The following CSGALNACT1 variants were observed in gnomAD, a reference collection of about 807,000 sequenced individuals.
CSGALNACT1 encodes the protein beta4GalNAcT-1.
CSGALNACT1 carries 52 observed loss-of-function variants against 51.0 expected under a neutral mutation model. That is an observed-to-expected ratio of 1.02 (90% CI 0.82 to 1.29). The LOEUF is 1.29. CSGALNACT1 is among the 50% of genes most tolerant of loss of function. The pLI is 0.00. For synonymous variants in CSGALNACT1, 341 were observed against 254.4 expected (o/e 1.34, Z -3.24); for missense variants, 935 against 679.2 (o/e 1.38, Z -4.19).
At chr8:19,595,718 A>G (rs1413951794) in intron 2 of CSGALNACT1, among the ~76,000 whole-genome samples, 1 of 152,114 alleles carries the variant, frequency 6.6e-6, no homozygotes, top group African/African-American at 2.4e-5. Context: ...AAATTTAAGT[A>G]ACAATTGAAC....
chr8:19,604,417 A>T (rs2051057185), upstream of CSGALNACT1, among the ~76,000 whole-genome samples: 1 of 152,224 alleles, frequency 6.6e-6, no homozygotes, highest in Non-Finnish European at 1.5e-5. Context: ...GGATATGTGC[A>T]TTAATATTTC....
intron 1 of CSGALNACT1, among the ~76,000 whole-genome samples, chr8:19,643,637 TA>T (rs35567016): frequency 0.27 from 38,792 of 141,734 alleles, 5,272 homozygotes; most frequent in African/African-American, 0.32. Context: ...GACACCATCT[TA>T]AAAAAAAAAA....
At chr8:19,733,860 T>C (rs1312575639) in intron 1 of CSGALNACT1, among the ~76,000 whole-genome samples, 1 of 152,112 alleles carries the variant, frequency 6.6e-6, no homozygotes, top group Non-Finnish European at 1.5e-5. Context: ...TCTGCTGCCA[T>C]CCCTGAATAC....
At chr8:19,718,807 T>G (rs1290395531) in intron 1 of CSGALNACT1, among the ~76,000 whole-genome samples, 1 of 152,154 alleles carries the variant, frequency 6.6e-6, no homozygotes, top group Non-Finnish European at 1.5e-5. Context: ...CCTTGCCTCT[T>G]CTGCAAGGAT....
chr8:19,408,949 A>AAACAC (rs1554501216), intron 8 of CSGALNACT1, among the ~76,000 whole-genome samples: 1 of 142,216 alleles, frequency 7.0e-6, no homozygotes, highest in African/African-American at 2.6e-5. Context: ...TAGATATGAA[A>AAACAC]ACACACACAC....
intron 1 of CSGALNACT1, among the ~76,000 whole-genome samples, chr8:19,752,432 T>C (rs1415026840): frequency 1.3e-5 from 2 of 152,184 alleles, no homozygotes; most frequent in Non-Finnish European, 2.9e-5. Context: ...TGTGTACGTA[T>C]GTTGACCTAT....
At chr8:19,508,269 C>T (rs574738459) in intron 3 of CSGALNACT1, among the ~76,000 whole-genome samples, 68 of 152,328 alleles carry the variant, frequency 4.5e-4, no homozygotes, top group Admixed American at 3.4e-3. Context: ...GTCTACACAA[C>T]AGTTCCTCTT....
rs75790757 is a variant in CSGALNACT1, at chr8:19,741,666, T to G, written c.-297+16184A>C. On this transcript the variant is annotated intron_variant, in intron 1 of 1. Coordinates refer to the CSGALNACT1 transcript ENST00000517494. ...AGGCTCCATGAACTATAGGGACATT[T>G]AATAAAGGCTTCTGAATTCTTTTCA... Among the ~76,000 whole-genome samples the G allele has an allele frequency of 2.1e-4, 32 of 152,288 alleles. No individual in the cohort carries two copies. The East Asian group carries it at 6.0e-3, about 28-fold the overall frequency.
chr8:19,506,232 G>C, intron 3 of CSGALNACT1, 102 bp from the exon 3 acceptor site: 2 of 405,814 alleles, frequency 4.9e-6, no homozygotes, highest in Non-Finnish European at 9.6e-6. Context: ...GAGAGTTATG[G>C]CAAATGCCTA....
upstream of CSGALNACT1, among the ~76,000 whole-genome samples, chr8:19,603,834 T>C (rs2050948244): frequency 6.6e-6 from 1 of 152,184 alleles, no homozygotes; most frequent in African/African-American, 2.4e-5. Context: ...GTTTTAACAA[T>C]GAAAACAAAT....
intron 1 of CSGALNACT1, among the ~76,000 whole-genome samples, chr8:19,638,368 A>G (rs551751934): frequency 6.6e-6 from 1 of 152,260 alleles, no homozygotes; most frequent in South Asian, 2.1e-4. Context: ...CCAAGTGGCG[A>G]TCACACCCAT....
intron 4 of CSGALNACT1, among the ~76,000 whole-genome samples, chr8:19,469,398 G>C (rs1563575284): frequency 6.6e-6 from 1 of 151,986 alleles, no homozygotes; most frequent in African/African-American, 2.4e-5. Flanking sequence ...CTCAAAAAAA[G>C]AAAGAGAAAG....
upstream of CSGALNACT1, among the ~76,000 whole-genome samples, chr8:19,687,312 C>T (rs2061031876): frequency 6.6e-6 from 1 of 152,192 alleles, no homozygotes; most frequent in Non-Finnish European, 1.5e-5. Flanking sequence ...ACTTCCTCTA[C>T]TAGGCAGAAA....
At chr8:19,536,345 T>TG (rs1554677964) in intron 3 of CSGALNACT1, among the ~76,000 whole-genome samples, 2 of 111,356 alleles carry the variant, frequency 1.8e-5, no homozygotes, top group East Asian at 4.3e-4. Context: ...TAAAAAATGT[T>TG]AAAAAAAACA....
intron 2 of CSGALNACT1, among the ~76,000 whole-genome samples, chr8:19,598,094 A>G (rs2049362914): frequency 6.6e-6 from 1 of 152,210 alleles, no homozygotes; most frequent in African/African-American, 2.4e-5. Flanking sequence ...ACAGCAGAAT[A>G]AGACATGGAG....
intron 4 of CSGALNACT1, among the ~76,000 whole-genome samples, chr8:19,480,579 T>C (rs1460785304): frequency 6.6e-6 from 1 of 152,188 alleles, no homozygotes; most frequent in Non-Finnish European, 1.5e-5. Context: ...AATGAACATA[T>C]GGGTGCCTGC....
chr8:19,687,631 C>T (rs545956583), intron 1 of CSGALNACT1, among the ~76,000 whole-genome samples: 196 of 152,316 alleles, frequency 1.3e-3, no homozygotes, highest in Non-Finnish European at 1.2e-3. Flanking sequence ...TCAACCATTT[C>T]TCACATGTCA....
chr8:19,645,001 G>C (rs1231441258), intron 1 of CSGALNACT1, among the ~76,000 whole-genome samples: 1 of 152,044 alleles, frequency 6.6e-6, no homozygotes, highest in Non-Finnish European at 1.5e-5. Context: ...TAAAAATCCA[G>C]TTTTGATAAA....
chr8:19,741,279 T>C (rs938152690), intron 1 of CSGALNACT1, among the ~76,000 whole-genome samples: 5 of 151,800 alleles, frequency 3.3e-5, no homozygotes, highest in Non-Finnish European at 5.9e-5. Flanking sequence ...GAAAAGGGAG[T>C]CTTAGCCGGG....
Sources: allele counts gnomAD v4.1 joint callset (sites outside exome capture counted in the v4.1 genomes callset), GRCh38; gene constraint gnomAD v4.1.1; transcripts MANE v1.5; gene names NCBI Gene and HGNC (gene_info 2026-07-23, HGNC 2026-07-21).